Variants in COL19A1 observed in about 807,000 individuals in gnomAD.
COL19A1 encodes the protein collagen type XIX alpha 1 chain.
COL19A1 carries 159 observed loss-of-function variants against 190.2 expected under a neutral mutation model. That is an observed-to-expected ratio of 0.84 (90% CI 0.73 to 0.95). COL19A1 has a LOEUF of 0.95. COL19A1 is among the 40% of genes least tolerant of loss of function. COL19A1 has a pLI of 0.00. For missense variants in COL19A1, 1,418 were observed against 1,431.9 expected, an observed-to-expected ratio of 0.99 and a Z score of 0.16; for synonymous variants, 509 against 458.9, an observed-to-expected ratio of 1.11 and a Z score of -1.39.
At chr6:70,176,106 C>A (rs1765788057) in intron 41 of COL19A1, among the ~76,000 whole-genome samples, 1 of 152,060 alleles carries the variant, frequency 6.6e-6, no homozygotes, top group Non-Finnish European at 1.5e-5. Flanking sequence ...AACTCTATAT[C>A]CAATGAGACA....
intron 1 of COL19A1, among the ~76,000 whole-genome samples, chr6:69,874,043 C>T (rs1041694707): frequency 1.3e-5 from 2 of 152,132 alleles, no homozygotes; most frequent in African/African-American, 2.4e-5. Context: ...TGATAATCAC[C>T]TAGCTGGGAC....
chr6:69,867,046 G>T (rs1582224066), intron 1 of COL19A1, among the ~76,000 whole-genome samples: 1 of 151,648 alleles, frequency 6.6e-6, no homozygotes, highest in Non-Finnish European at 1.5e-5. Context: ...AAAATGGGGG[G>T]TTAAAGGAGT....
intron 11 of COL19A1, among the ~76,000 whole-genome samples, chr6:69,997,407 G>A (rs1338614429): frequency 6.6e-6 from 1 of 152,200 alleles, no homozygotes; most frequent in Non-Finnish European, 1.5e-5. Flanking sequence ...GACTCTGAGA[G>A]GGCCAGGGTC....
chr6:70,068,499 G>C, intron 15 of COL19A1, 23 bp downstream of exon 15: 2 of 1,514,220 alleles, frequency 1.3e-6, no homozygotes. Context: ...GGAACAACTG[G>C]TGGGCATTAC....
chr6:70,059,812 T>G, intron 14 of COL19A1: 1 of 518,554 alleles, frequency 1.9e-6, no homozygotes, highest in Admixed American at 2.1e-5. Flanking sequence ...TAAATCTGTA[T>G]GTGTGCAAAA....
intron 11 of COL19A1, among the ~76,000 whole-genome samples, chr6:69,982,541 C>T (rs1481531523): frequency 6.6e-6 from 1 of 151,842 alleles, no homozygotes; most frequent in Non-Finnish European, 1.5e-5. Context: ...ACCTGGCCTA[C>T]ACTTTTAACA....
intron 16 of COL19A1, among the ~76,000 whole-genome samples, 167 bp from the exon 17 acceptor site, chr6:70,121,710 CTGA>C (rs1010308524): frequency 2.6e-5 from 4 of 152,086 alleles, no homozygotes. Flanking sequence ...TCTTAGGAAC[CTGA>C]TGATAAGTTA....
chr6:70,187,923 T>A, intron 46 of COL19A1, 152 bp from the exon 47 acceptor site: 1 of 859,124 alleles, frequency 1.2e-6, no homozygotes, highest in Non-Finnish European at 1.8e-6. Context: ...ATATGCCCAC[T>A]TTGTAGGAGA....
At chr6:70,078,930 G>A (rs1194527759) in intron 15 of COL19A1, among the ~76,000 whole-genome samples, 1 of 152,116 alleles carries the variant, frequency 6.6e-6, no homozygotes, top group Non-Finnish European at 1.5e-5. Flanking sequence ...AGCTGGGCAT[G>A]GTGGTGTGCA....
chr6:70,169,224 A>G (rs1191669328), intron 40 of COL19A1, among the ~76,000 whole-genome samples: 1 of 152,186 alleles, frequency 6.6e-6, no homozygotes, highest in African/African-American at 2.4e-5. Context: ...CGCCTAAAGG[A>G]CGATAATTGT....
rs562317721 is a variant in COL19A1, at chr6:70,131,958, G to T, written c.1383+1735G>T. Reference sequence around the variant, plus strand: ...AGAATCTTAAGTAGAATTAGGAAAAGCCAGTGGCATAACTGTTCCCTCCTC... The same window carrying T: ...AGAATCTTAAGTAGAATTAGGAAAATCCAGTGGCATAACTGTTCCCTCCTC... On this transcript the variant is annotated intron_variant, in intron 18 of 50. Coordinates refer to ENST00000620364, the MANE Select transcript of COL19A1 (RefSeq NM_001858.6). Among the ~76,000 whole-genome samples the T allele has an allele frequency of 1.2e-3, 185 of 152,132 alleles. 1 individual carries two copies. Among genetic ancestry groups the T allele is most frequent in the Non-Finnish European group, 2.1e-3 (146 of 68,026 alleles).
chr6:69,992,940 T>G (rs145238680), intron 11 of COL19A1, among the ~76,000 whole-genome samples: 2,658 of 152,070 alleles, frequency 0.017, 81 homozygotes, highest in African/African-American at 0.061. Flanking sequence ...TTTGGATGTA[T>G]TTTATTTCTT....
chr6:69,882,095 T>C (rs3805954), intron 2 of COL19A1, among the ~76,000 whole-genome samples: 4,352 of 152,286 alleles, frequency 0.029, 136 homozygotes, highest in East Asian at 0.16. Flanking sequence ...TGTGAAGTTG[T>C]CAACAGTTTA....
chr6:70,180,442 T>G lies in COL19A1; in HGVS notation c.2713-19T>G. The G allele has an allele frequency of 6.2e-7, 1 of 1,614,108 alleles. No individual in the cohort carries two copies. The highest frequency in any genetic ancestry group is 1.7e-5 in the Admixed American group (1 of 60,026). On this transcript the variant is annotated intron_variant, in intron 43 of 50. Transcript: ENST00000620364. The stretch of plus-strand genomic sequence containing the variant: ...AACATTTGTTGGCAATTAATTTGTG[T>G]CTGTGGATGTGTTTATAGGGTGAGA...
chr6:69,871,647 GA>G (rs551926149), intron 1 of COL19A1, among the ~76,000 whole-genome samples: 92 of 151,842 alleles, frequency 6.1e-4, no homozygotes, highest in Non-Finnish European at 1.0e-3. Flanking sequence ...TTAACACTCT[GA>G]CCTTTTACCT....
intron 6 of COL19A1, among the ~76,000 whole-genome samples, chr6:69,931,310 A>T (rs1458292237): frequency 6.6e-6 from 1 of 152,144 alleles, no homozygotes; most frequent in African/African-American, 2.4e-5. Flanking sequence ...TTCTCCTTCT[A>T]AAGCACTATA....
chr6:70,096,285 G>C (rs1220247141), intron 15 of COL19A1, among the ~76,000 whole-genome samples: 1 of 151,374 alleles, frequency 6.6e-6, no homozygotes, highest in African/African-American at 2.4e-5. Flanking sequence ...TTAGAAACGG[G>C]GTTTTGCCAT....
chr6:70,095,645 G>T (rs780087023), intron 15 of COL19A1, among the ~76,000 whole-genome samples: 1 of 152,028 alleles, frequency 6.6e-6, no homozygotes, highest in South Asian at 2.1e-4. Context: ...CATTTTCATC[G>T]TGCAAAACTG....
At chr6:70,023,313 T>G (rs1778531524) in intron 11 of COL19A1, among the ~76,000 whole-genome samples, 1 of 151,934 alleles carries the variant, frequency 6.6e-6, no homozygotes, top group South Asian at 2.1e-4. Flanking sequence ...TTTTTTGTAT[T>G]TTTAGTAGGG....
Sources: gnomAD v4.1 joint callset for allele counts (sites outside exome capture counted in the v4.1 genomes callset) on GRCh38, gnomAD v4.1.1 for gene constraint, MANE v1.5 for transcripts, NCBI Gene and HGNC (gene_info 2026-07-23, HGNC 2026-07-21) for gene names.